Variants in ADK observed in about 807,000 individuals in gnomAD.
The protein encoded by ADK is N6,N6-dimethyladenosine kinase.
In ADK, 24 loss-of-function variants were observed where a neutral mutation model predicts 44.7. The ratio of observed to expected loss-of-function variants is 0.54; its 90% CI spans 0.39 to 0.76. ADK has a LOEUF of 0.76. Ranked by LOEUF, ADK falls within the 30% of genes least tolerant of loss-of-function variation. ADK has a pLI of 0.00. For synonymous variants in ADK, 128 were observed against 142.6 expected (o/e 0.90, Z 0.73); for missense variants, 321 against 425.1 (o/e 0.76, Z 2.15).
intron 9 of ADK, among the ~76,000 whole-genome samples, chr10:74,611,282 A>C (rs561477722): frequency 1.9e-3 from 294 of 152,092 alleles, no homozygotes; most frequent in South Asian, 2.7e-3. Context: ...CTGCCTTCCT[A>C]GGCCTCCCTC....
intron 1 of ADK, among the ~76,000 whole-genome samples, chr10:74,158,193 A>C (rs972207486): frequency 4.6e-5 from 7 of 152,170 alleles, no homozygotes; most frequent in South Asian, 2.1e-4. Flanking sequence ...TTAAAAAAAA[A>C]CTTGTATTTT....
chr10:74,623,922 A>G (rs576340539), intron 9 of ADK, among the ~76,000 whole-genome samples: 226 of 152,258 alleles, frequency 1.5e-3, no homozygotes, highest in Non-Finnish European at 2.5e-3. Flanking sequence ...CAGAAATTCA[A>G]TTAGACTCTA....
intron 3 of ADK, among the ~76,000 whole-genome samples, chr10:74,245,186 A>G (rs1845372180): frequency 6.6e-6 from 1 of 152,134 alleles, no homozygotes. Context: ...TTTCAATTTA[A>G]TGTTCAATTA....
intron 5 of ADK, among the ~76,000 whole-genome samples, chr10:74,395,593 T>C (rs1843480133): frequency 6.6e-6 from 1 of 152,222 alleles, no homozygotes; most frequent in African/African-American, 2.4e-5. Flanking sequence ...GCCCTTAGTT[T>C]TCCCAAGACC....
intron 7 of ADK, chr10:74,551,341 G>A (rs1358491589): frequency 6.6e-6 from 1 of 152,176 alleles, no homozygotes. Flanking sequence ...TCTTGGTTAG[G>A]CAAAGCTTTC....
At chr10:74,599,291 C>A (rs1013754558) in intron 8 of ADK, among the ~76,000 whole-genome samples, 1 of 152,120 alleles carries the variant, frequency 6.6e-6, no homozygotes, top group Non-Finnish European at 1.5e-5. Flanking sequence ...ATTGAGTGAA[C>A]AAACAATATA....
chr10:74,392,730 G>A (rs1843378119), intron 4 of ADK, among the ~76,000 whole-genome samples: 1 of 144,622 alleles, frequency 6.9e-6, no homozygotes, highest in Admixed American at 7.2e-5. Flanking sequence ...TCCTGAAGCT[G>A]TCCCCCATAT....
chr10:74,486,589 C>G lies in ADK; in HGVS notation c.556-38667C>G, dbSNP rs1024337331. On this transcript the variant is annotated intron_variant, in intron 6 of 10. Transcript: ENST00000539909. ...TGTACTTTTAGTCAAAATTTATTTA[C>G]TTGAGAAGCAAAGTGATGTATGGAT... Among the ~76,000 whole-genome samples, 3 of 152,074 alleles carry G rather than the reference C, an allele frequency of 2.0e-5. No individual in the cohort carries two copies. In the South Asian group the frequency reaches 6.2e-4, roughly 31 times the overall value.
intron 9 of ADK, among the ~76,000 whole-genome samples, chr10:74,647,175 C>G (rs1408057778): frequency 6.6e-6 from 1 of 150,716 alleles, no homozygotes; most frequent in African/African-American, 2.4e-5. Context: ...TAATAATTAT[C>G]TGTTCATTTT....
chr10:74,584,913 G>C (rs1315515951), intron 7 of ADK, among the ~76,000 whole-genome samples: 1 of 152,148 alleles, frequency 6.6e-6, no homozygotes, highest in Non-Finnish European at 1.5e-5. Context: ...GCAAGTTATG[G>C]TTTTAGTTTA....
At chr10:74,332,008 C>G (rs930742979) in intron 4 of ADK, among the ~76,000 whole-genome samples, 11 of 152,084 alleles carry the variant, frequency 7.2e-5, no homozygotes, top group Non-Finnish European at 1.6e-4. Context: ...CTTCTGCCAC[C>G]ATGCCCAACA....
At position 74,474,856 on chromosome 10, in the gene ADK, G is replaced by A. The variant is rs373379690; in HGVS notation, c.556-50400G>A. On this transcript the variant is annotated intron_variant, in intron 6 of 10. Transcript: ENST00000539909. ...ATTTTTCATAAATTCTGCCTGGTGC[G>A]GAGGCTCACGCCTGTAATCCCAGCA... is the stretch of plus-strand genomic sequence containing the variant. Among the ~76,000 whole-genome samples the A allele has an allele frequency of 3.0e-4, 46 of 152,272 alleles. 1 individual carries two copies. Among genetic ancestry groups the A allele is most frequent in the Middle Eastern group, 6.8e-3 (2 of 294 alleles).
chr10:74,205,952 G>A (rs1843580770), intron 2 of ADK, among the ~76,000 whole-genome samples: 1 of 152,108 alleles, frequency 6.6e-6, no homozygotes. Context: ...TACTTTAAAT[G>A]TCTACAGTTT....
chr10:74,450,134 C>T (rs750245679), intron 6 of ADK, among the ~76,000 whole-genome samples: 1 of 152,078 alleles, frequency 6.6e-6, no homozygotes, highest in South Asian at 2.1e-4. Context: ...GCGAAAAACT[C>T]TGTCTCCACA....
intron 4 of ADK, among the ~76,000 whole-genome samples, chr10:74,318,280 A>G (rs76166317): frequency 6.6e-6 from 1 of 151,918 alleles, no homozygotes; most frequent in African/African-American, 2.4e-5. Context: ...TCCTTCCTCC[A>G]TCTCCACCTC....
intron 6 of ADK, among the ~76,000 whole-genome samples, chr10:74,465,534 A>C (rs1486495833): frequency 1.3e-5 from 2 of 152,166 alleles, no homozygotes; most frequent in African/African-American, 4.8e-5. Context: ...TATGGACAAA[A>C]CTGAATGGGG....
intron 1 of ADK, among the ~76,000 whole-genome samples, chr10:74,173,786 G>A (rs748572695): frequency 3.3e-5 from 5 of 152,154 alleles, no homozygotes; most frequent in Non-Finnish European, 4.4e-5. Context: ...AGTATGTTAA[G>A]CATGAGCAAA....
intron 4 of ADK, among the ~76,000 whole-genome samples, chr10:74,368,126 C>A (rs1003981747): frequency 6.6e-6 from 1 of 152,102 alleles, no homozygotes; most frequent in African/African-American, 2.4e-5. Flanking sequence ...GTCTTTTTCC[C>A]AGGAACAATA....
intron 4 of ADK, among the ~76,000 whole-genome samples, chr10:74,333,936 A>G (rs954448716): frequency 2.6e-5 from 4 of 152,076 alleles, no homozygotes. Context: ...TTTTTTCTAG[A>G]AAAGAAATTC....
Sources: gnomAD v4.1 joint callset for allele counts (sites outside exome capture counted in the v4.1 genomes callset) on GRCh38, gnomAD v4.1.1 for gene constraint, MANE v1.5 for transcripts, NCBI Gene and HGNC (gene_info 2026-07-23, HGNC 2026-07-21) for gene names.